The following RNF217 variants were observed in gnomAD, a reference collection of about 807,000 sequenced individuals.
RNF217 encodes E3 ubiquitin-protein ligase RNF217.
RNF217 carries 31 observed loss-of-function variants against 57.8 expected under a neutral mutation model. That is an observed-to-expected ratio of 0.54 (90% CI 0.40 to 0.72). The LOEUF (loss-of-function observed/expected upper bound fraction) is 0.72, where lower values mean the gene tolerates loss of function less well. RNF217 is among the 30% of genes least tolerant of loss of function. The pLI is 0.00. For synonymous variants in RNF217, 313 were observed against 294.0 expected (o/e 1.06, Z -0.66); for missense variants, 696 against 708.3 (o/e 0.98, Z 0.20).
chr6:125,088,042 A>G lies in RNF217; in HGVS notation c.*5105A>G, dbSNP rs1752986275. ...TTTTTTTTTTTTTTTTTTTTGAGACAGAGGTTCTCTCAATGTTGCCCAGGC... is the reference window on the plus strand; with the variant it reads ...TTTTTTTTTTTTTTTTTTTTGAGACGGAGGTTCTCTCAATGTTGCCCAGGC... On this transcript the variant is annotated 3_prime_UTR_variant, in exon 6 of 6. Transcript: ENST00000521654. 1.5e-5 allele frequency: 2 copies of G among 136,252 alleles called. No individual in the cohort carries two copies. Among genetic ancestry groups the G allele is most frequent in the South Asian group, 4.6e-4 (2 of 4,320 alleles). The allele number at this position is 136,252 out of a possible 1,614,324, so 8.4% of individuals were successfully genotyped here.
chr6:125,077,377 A>G (rs758388054), intron 4 of RNF217, among the ~76,000 whole-genome samples: 11 of 152,178 alleles, frequency 7.2e-5, no homozygotes, highest in Non-Finnish European at 1.3e-4. Context: ...ATTAATAGGT[A>G]ACAGTTAATA....
chr6:125,084,377 C>T lies in RNF217; in HGVS notation c.*1440C>T, dbSNP rs756157360. On this transcript the variant is annotated 3_prime_UTR_variant, in exon 6 of 6. Transcript: ENST00000521654. ...GTAACTAGACTATGATATGCCTTTG[C>T]TTTCATCACAAAAGTTCATCAGCAA... 8 of 151,754 alleles carry T rather than the reference C, an allele frequency of 5.3e-5. No homozygotes were observed. Among genetic ancestry groups the T allele is most frequent in the Non-Finnish European group, 7.4e-5 (5 of 67,844 alleles). 9.4% of individuals were successfully genotyped at this position (151,754 alleles called of 1,614,324 possible).
intron 2 of RNF217, among the ~76,000 whole-genome samples, chr6:125,056,386 C>G (rs923300854): frequency 6.6e-6 from 1 of 152,110 alleles, no homozygotes; most frequent in Admixed American, 6.6e-5. Context: ...TCAACATAGA[C>G]ATTATCATTG....
At chr6:125,074,275 T>C (rs954079817) in intron 3 of RNF217, among the ~76,000 whole-genome samples, 1 of 151,196 alleles carries the variant, frequency 6.6e-6, no homozygotes, top group Non-Finnish European at 1.5e-5. Flanking sequence ...TCCAGTTAGG[T>C]AGGTCGGTAG....
At chr6:125,040,970 A>C (rs965462098) in intron 1 of RNF217, among the ~76,000 whole-genome samples, 1 of 152,078 alleles carries the variant, frequency 6.6e-6, no homozygotes, top group Admixed American at 6.6e-5. Flanking sequence ...GTTTATGACA[A>C]ACCCATAGCC....
chr6:125,065,894 A>C (rs142117085), intron 3 of RNF217, among the ~76,000 whole-genome samples: 163 of 152,306 alleles, frequency 1.1e-3, no homozygotes, highest in African/African-American at 3.7e-3. Flanking sequence ...TAGCTACTCA[A>C]CATCTTCAAC....
chr6:125,018,007 TG>T (rs1785678973), intron 1 of RNF217, among the ~76,000 whole-genome samples: 1 of 152,196 alleles, frequency 6.6e-6, no homozygotes, highest in South Asian at 2.1e-4. Flanking sequence ...CATAATCAAT[TG>T]ACTTAAAGTT....
At chr6:124,993,047 T>C (rs930953593) in intron 1 of RNF217, among the ~76,000 whole-genome samples, 1 of 152,156 alleles carries the variant, frequency 6.6e-6, no homozygotes, top group Non-Finnish European at 1.5e-5. Context: ...TATTGGCAAA[T>C]TTATAGAGCA....
chr6:125,073,253 T>C (rs1788219315), intron 3 of RNF217, among the ~76,000 whole-genome samples: 1 of 152,146 alleles, frequency 6.6e-6, no homozygotes, highest in Non-Finnish European at 1.5e-5. Flanking sequence ...GCCTGTGGTA[T>C]TCCTAATGCC....
chr6:125,082,560 A>G (rs781351399), intron 5 of RNF217: 16 of 1,611,670 alleles, frequency 9.9e-6, no homozygotes, highest in Non-Finnish European at 2.5e-6. Context: ...TGCCTGAAAC[A>G]AGTGTGAGTA....
chr6:124,994,912 TATACTACGAG>T (rs1483223414), intron 1 of RNF217, among the ~76,000 whole-genome samples: 1 of 152,160 alleles, frequency 6.6e-6, no homozygotes, highest in African/African-American at 2.4e-5. Context: ...AAAGTTGAGG[TATACTACGAG>T]AATTTTTTAT....
At chr6:125,011,033 A>G (rs1412891917) in intron 1 of RNF217, among the ~76,000 whole-genome samples, 2 of 152,204 alleles carry the variant, frequency 1.3e-5, no homozygotes, top group Non-Finnish European at 2.9e-5. Flanking sequence ...TAGATTTCTT[A>G]CATCACTTTG....
intron 1 of RNF217, among the ~76,000 whole-genome samples, chr6:124,991,782 C>T (rs1219787107): frequency 6.6e-6 from 1 of 152,136 alleles, no homozygotes; most frequent in East Asian, 1.9e-4. Context: ...CCACATGGTA[C>T]TATTCAAATG....
chr6:124,975,852 C>T (rs1783935324), intron 1 of RNF217, among the ~76,000 whole-genome samples: 1 of 152,154 alleles, frequency 6.6e-6, no homozygotes, highest in African/African-American at 2.4e-5. Flanking sequence ...TTTAATCCTA[C>T]TTTTAACTAG....
intron 1 of RNF217, among the ~76,000 whole-genome samples, chr6:125,018,328 T>G (rs1423157220): frequency 6.6e-6 from 1 of 152,230 alleles, no homozygotes; most frequent in African/African-American, 2.4e-5. Flanking sequence ...GGCACTGGTA[T>G]TGAGCAAGAA....
intron 1 of RNF217, among the ~76,000 whole-genome samples, chr6:124,981,469 G>A (rs998319940): frequency 3.9e-5 from 6 of 152,106 alleles, no homozygotes; most frequent in Admixed American, 1.3e-4. Context: ...TTGGTTGGGG[G>A]GGCGGTGACT....
At position 125,090,775 on chromosome 6, in the gene RNF217, G is replaced by T. The variant is rs1342379655; in HGVS notation, c.*7838G>T. 1 of 151,794 alleles carries T rather than the reference G, an allele frequency of 6.6e-6. No homozygotes were observed. The highest frequency in any genetic ancestry group is 1.5e-5 in the Non-Finnish European group (1 of 67,844). 9.4% of individuals were successfully genotyped at this position (151,794 alleles called of 1,614,324 possible). ...ATTTTTCAAGTTTAAAATGGACCGG[G>T]TTGAAAAGAGATTTCATTGATTCTT... On this transcript the variant is annotated 3_prime_UTR_variant, in exon 6 of 6. Coordinates refer to ENST00000521654, the MANE Select transcript of RNF217 (RefSeq NM_001286398.3).
At chr6:125,031,079 G>A (rs972663183) in intron 1 of RNF217, among the ~76,000 whole-genome samples, 2 of 152,228 alleles carry the variant, frequency 1.3e-5, no homozygotes, top group African/African-American at 2.4e-5. Flanking sequence ...TCCACCCTCT[G>A]AAGCCACAGC....
Position 125,033,609 on chromosome 6 carries a change from G to A in RNF217, c.883-11602G>A, listed in dbSNP as rs1188241209. On this transcript the variant is annotated intron_variant, in intron 1 of 5. Transcript: ENST00000521654. ...CAGTCTATCATTGTTGGACATTTGG[G>A]TTGGTTCCAAGTCTTTGCTACTGTG... is the stretch of plus-strand genomic sequence containing the variant. Among the ~76,000 whole-genome samples the A allele has an allele frequency of 7.3e-5, 11 of 151,260 alleles. No individual in the cohort carries two copies. The East Asian group carries it at 1.6e-3, about 21-fold the overall frequency.
Sources: allele counts gnomAD v4.1 joint callset (sites outside exome capture counted in the v4.1 genomes callset), GRCh38; gene constraint gnomAD v4.1.1; transcripts MANE v1.5; gene names NCBI Gene and HGNC (gene_info 2026-07-23, HGNC 2026-07-21).